USP34: variants seen among roughly 807,000 people sequenced by gnomAD.
USP34 encodes the protein ubiquitin specific peptidase 34.
Under a neutral mutation model 460.3 loss-of-function variants are expected in USP34, and 70 were observed. The observed-to-expected ratio is 0.15, with a 90% CI of 0.13 to 0.19. The LOEUF is 0.19. Among genes scored for constraint, USP34 ranks in the 10% least tolerant of loss-of-function variants. The pLI, the probability that USP34 is intolerant of heterozygous loss-of-function variation, is 1.00. For missense variants in USP34, 3,985 were observed against 4,236.2 expected (o/e 0.94, Z 1.65); for synonymous variants, 1,647 against 1,405.3 (o/e 1.17, Z -3.85).
chr2:61,295,345 G>A, intron 30 of USP34, 55 bp from the exon 31 acceptor site: 2 of 1,520,198 alleles, frequency 1.3e-6, no homozygotes, highest in Non-Finnish European at 1.8e-6. Context: ...ACACAAAAAA[G>A]AAAAACTTTA....
At chr2:61,454,553 T>C (rs767987413) in intron 1 of USP34, among the ~76,000 whole-genome samples, 1 of 151,990 alleles carries the variant, frequency 6.6e-6, no homozygotes, top group South Asian at 2.1e-4. Context: ...TGTGTCAATA[T>C]AGTGTTCTTG....
chr2:61,423,842 T>C (rs1694432701), intron 1 of USP34, among the ~76,000 whole-genome samples: 1 of 152,146 alleles, frequency 6.6e-6, no homozygotes, highest in African/African-American at 2.4e-5. Context: ...TTCTAGCTAC[T>C]CAGGACACTA....
chr2:61,339,269 C>T, intron 18 of USP34, 82 bp downstream of exon 18: 4 of 1,383,642 alleles, frequency 2.9e-6, no homozygotes, highest in East Asian at 2.3e-5. Flanking sequence ...AGTATAAAAA[C>T]ATCACACCTA....
intron 2 of USP34, among the ~76,000 whole-genome samples, chr2:61,419,888 A>T (rs1694307991): frequency 6.6e-6 from 1 of 152,270 alleles, no homozygotes; most frequent in South Asian, 2.1e-4. Context: ...GACTCAGAAA[A>T]GAAATGTCAA....
intron 37 of USP34, 128 bp from the exon 38 acceptor site, chr2:61,281,370 T>G (rs1689531126): frequency 5.0e-6 from 6 of 1,208,280 alleles, no homozygotes; most frequent in South Asian, 3.6e-5. Context: ...CCAGCACTTT[T>G]GGAGGCCCAG....
Position 61,398,525 on chromosome 2 carries a change from C to CAGGGGAAGGAGGCGGAAGCA in USP34, c.553-3293_553-3292insTGCTTCCGCCTCCTTCCCCT, listed in dbSNP as rs548904591. 3.3e-4 allele frequency among the ~76,000 whole-genome samples: 21 copies of CAGGGGAAGGAGGCGGAAGCA among 63,586 alleles called. No individual in the cohort carries two copies. The East Asian group carries it at 5.1e-3, about 15-fold the overall frequency. The allele number at this position is 63,586 out of a possible 152,430, so 41.7% of individuals were successfully genotyped here. On this transcript the variant is annotated intron_variant, in intron 3 of 79. Coordinates refer to ENST00000398571, the MANE Select transcript of USP34 (RefSeq NM_014709.4). ...CGGAAGCAGGGGAAGGAGGCGGAAG[C>CAGGGGAAGGAGGCGGAAGCA]GGGGAAGGAGGCGGAAGCGGGGGAA...
rs758576699 is a variant in USP34, at chr2:61,187,722, C to G, written c.*380G>C. Reference sequence around the variant, plus strand: ...AAGAACCACAGCGATCGGAGGCAATCTGCCTCTATAAGGTACAAAACTGGC... The same window carrying G: ...AAGAACCACAGCGATCGGAGGCAATGTGCCTCTATAAGGTACAAAACTGGC... On this transcript the variant is annotated 3_prime_UTR_variant, in exon 80 of 80. Transcript: ENST00000398571. 6.7e-6 allele frequency: 3 copies of G among 450,682 alleles called. No homozygotes were observed. Among genetic ancestry groups the G allele is most frequent in the Non-Finnish European group, 6.1e-6 (2 of 329,328 alleles). 27.9% of individuals were successfully genotyped at this position (450,682 alleles called of 1,614,324 possible).
Position 61,190,365 on chromosome 2 carries a change from G to A in USP34, c.9779C>T (p.Thr3260Ile). 6.2e-7 allele frequency: 1 copy of A among 1,613,462 alleles called. No homozygotes were observed. Among genetic ancestry groups the A allele is most frequent in the Non-Finnish European group, 8.5e-7 (1 of 1,179,830 alleles). ...SEANCANLIS[T>I]LITNLISQYQ... ...CTGGCTTATCAAGTTTGTAATAAGA[G>A]TGCTGATCAAATTGGCACAGTTTGC... The change falls in exon 78 of 80, where the codon ACT becomes ATT. Residue 3260 changes from threonine to isoleucine, a missense_variant. Around this residue, in one of 14 missense-constraint regions of USP34, gnomAD observed 506 missense variants for 439.0 expected, o/e 1.15. Coordinates refer to ENST00000398571, the MANE Select transcript of USP34 (RefSeq NM_014709.4).
chr2:61,259,583 A>T, intron 44 of USP34, 128 bp downstream of exon 44: 1 of 677,358 alleles, frequency 1.5e-6, no homozygotes, highest in Non-Finnish European at 2.4e-6. Context: ...ATGGGGTTTC[A>T]CCATGTTGCC....
intron 1 of USP34, among the ~76,000 whole-genome samples, chr2:61,433,668 C>T (rs115420764): frequency 3.9e-4 from 60 of 152,160 alleles, no homozygotes; most frequent in African/African-American, 1.4e-3. Flanking sequence ...GAGAATCCCA[C>T]AGTCCTTGCA....
At chr2:61,301,674 T>C (rs1468604050) in intron 27 of USP34, among the ~76,000 whole-genome samples, 1 of 152,230 alleles carries the variant, frequency 6.6e-6, no homozygotes, top group Non-Finnish European at 1.5e-5. Context: ...CCATCTTCCC[T>C]ATCTCACACT....
At chr2:61,275,517 G>T (rs1572892902) in intron 41 of USP34, among the ~76,000 whole-genome samples, 1 of 152,006 alleles carries the variant, frequency 6.6e-6, no homozygotes, top group South Asian at 2.1e-4. Flanking sequence ...CTAGACACCT[G>T]GGAGGTTGGG....
At chr2:61,385,563 T>C (rs929887310) in intron 5 of USP34, among the ~76,000 whole-genome samples, 150 of 147,006 alleles carry the variant, frequency 1.0e-3, no homozygotes, top group African/African-American at 3.7e-3. Flanking sequence ...TCCCAGCTAC[T>C]TGGGAGGCTG....
intron 59 of USP34, among the ~76,000 whole-genome samples, chr2:61,229,295 T>A (rs1185982865): frequency 2.6e-5 from 4 of 151,796 alleles, no homozygotes; most frequent in Non-Finnish European, 5.9e-5. Flanking sequence ...GTGTGGATTT[T>A]AAAAAATATT....
intron 67 of USP34, among the ~76,000 whole-genome samples, chr2:61,219,157 A>G (rs1260291167): frequency 6.6e-6 from 1 of 152,118 alleles, no homozygotes; most frequent in Non-Finnish European, 1.5e-5. Flanking sequence ...GTGCTATGTT[A>G]TTTTGTTACT....
chr2:61,253,682 CTTTG>C (rs1224727002), intron 48 of USP34, among the ~76,000 whole-genome samples: 2 of 151,178 alleles, frequency 1.3e-5, no homozygotes, highest in Non-Finnish European at 2.9e-5. Context: ...TAGAAAAATC[CTTTG>C]TTTGAGCCCC....
intron 75 of USP34, among the ~76,000 whole-genome samples, chr2:61,196,055 C>T (rs941937335): frequency 6.2e-5 from 9 of 145,110 alleles, no homozygotes; most frequent in African/African-American, 2.4e-4. Context: ...TACAGGTATG[C>T]ACCACCATGC....
At chr2:61,431,935 A>C (rs571228326) in intron 1 of USP34, among the ~76,000 whole-genome samples, 1 of 152,322 alleles carries the variant, frequency 6.6e-6, no homozygotes, top group South Asian at 2.1e-4. Flanking sequence ...TAAATGCTTG[A>C]GATAACAATA....
chr2:61,279,066 C>G (rs542956482), intron 39 of USP34, among the ~76,000 whole-genome samples: 1 of 151,532 alleles, frequency 6.6e-6, no homozygotes, highest in African/African-American at 2.4e-5. Context: ...AGATCAGATT[C>G]CTATTTTAGC....
Sources: gnomAD v4.1 joint callset for allele counts (sites outside exome capture counted in the v4.1 genomes callset) on GRCh38, gnomAD v4.1.1 for gene constraint, gnomAD v4.1.1 regional missense constraint, MANE v1.5 for transcripts, NCBI Gene and HGNC (gene_info 2026-07-23, HGNC 2026-07-21) for gene names.